NR2F1-AS1: variants seen among roughly 807,000 people sequenced by gnomAD.
NR2F1-AS1 encodes the protein NR2F1 antisense RNA 1.
At chr5:93,511,084 C>T (rs985632342) in intron 4 of NR2F1-AS1, among the ~76,000 whole-genome samples, 3 of 152,054 alleles carry the variant, frequency 2.0e-5, no homozygotes, top group Non-Finnish European at 4.4e-5. Flanking sequence ...TTTTATGTGT[C>T]AATTTGAATG....
At chr5:93,535,592 C>T (rs1007443651) in intron 4 of NR2F1-AS1, among the ~76,000 whole-genome samples, 11 of 151,738 alleles carry the variant, frequency 7.2e-5, no homozygotes, top group African/African-American at 9.7e-5. Flanking sequence ...TAAGCATAGA[C>T]GCAAAAATTC....
intron 4 of NR2F1-AS1, among the ~76,000 whole-genome samples, chr5:93,534,294 A>G (rs1751795136): frequency 6.6e-6 from 1 of 152,196 alleles, no homozygotes; most frequent in African/African-American, 2.4e-5. Context: ...TGACTTATCC[A>G]AGGTTACTTG....
chr5:93,483,409 C>A (rs1055470705), intron 4 of NR2F1-AS1, among the ~76,000 whole-genome samples: 1 of 152,126 alleles, frequency 6.6e-6, no homozygotes, highest in South Asian at 2.1e-4. Context: ...TCAACATCAA[C>A]AAAAAGGATG....
chr5:93,475,474 T>G (rs1750464379), intron 4 of NR2F1-AS1, among the ~76,000 whole-genome samples: 1 of 152,242 alleles, frequency 6.6e-6, no homozygotes, highest in Non-Finnish European at 1.5e-5. Context: ...ATTCTTCATT[T>G]GATTTCAGTG....
intron 4 of NR2F1-AS1, among the ~76,000 whole-genome samples, chr5:93,537,667 A>C (rs998193472): frequency 4.6e-5 from 7 of 152,180 alleles, no homozygotes; most frequent in Admixed American, 2.0e-4. Flanking sequence ...TAGTATTGGC[A>C]AGGATGTGGA....
chr5:93,585,155 G>A, upstream of NR2F1-AS1: 1 of 1,170,942 alleles, frequency 8.5e-7, no homozygotes, highest in South Asian at 4.2e-5. Flanking sequence ...AGCAGCAGGC[G>A]GGCTCGGGCG....
chr5:93,444,320 G>A (rs936136652), intron 4 of NR2F1-AS1, among the ~76,000 whole-genome samples: 2 of 152,112 alleles, frequency 1.3e-5, no homozygotes, highest in Non-Finnish European at 2.9e-5. Context: ...CAGGTGCAGA[G>A]ACACACACAG....
intron 4 of NR2F1-AS1, among the ~76,000 whole-genome samples, chr5:93,549,336 G>T (rs1752170455): frequency 6.6e-6 from 1 of 152,002 alleles, no homozygotes; most frequent in Non-Finnish European, 1.5e-5. Context: ...CAATGAAATA[G>T]CAAGAAAACA....
chr5:93,424,493 C>G (rs990503950), intron 4 of NR2F1-AS1, among the ~76,000 whole-genome samples: 5 of 152,020 alleles, frequency 3.3e-5, no homozygotes, highest in African/African-American at 1.2e-4. Context: ...AAATCTGTCA[C>G]CAGGTCCTTT....
chr5:93,560,852 C>T (rs1398312922), intron 2 of NR2F1-AS1, among the ~76,000 whole-genome samples: 1 of 152,128 alleles, frequency 6.6e-6, no homozygotes, highest in Non-Finnish European at 1.5e-5. Flanking sequence ...AATTTCAATA[C>T]CTGTGAACTG....
At chr5:93,576,343 A>G (rs2149932764) in intron 1 of NR2F1-AS1, among the ~76,000 whole-genome samples, 1 of 152,238 alleles carries the variant, frequency 6.6e-6, no homozygotes, top group South Asian at 2.1e-4. Context: ...CACCTTTGAA[A>G]TGGGTAAATA....
At chr5:93,495,064 CAAGA>C (rs756164641) in intron 4 of NR2F1-AS1, among the ~76,000 whole-genome samples, 5 of 152,020 alleles carry the variant, frequency 3.3e-5, no homozygotes, top group Non-Finnish European at 5.9e-5. Flanking sequence ...AAAAAAAATC[CAAGA>C]TAGAATCAGC....
intron 4 of NR2F1-AS1, among the ~76,000 whole-genome samples, chr5:93,521,532 C>T (rs1580298952): frequency 6.6e-6 from 1 of 151,924 alleles, no homozygotes; most frequent in Non-Finnish European, 1.5e-5. Context: ...AACAAACAAC[C>T]CCATTAAAAA....
intron 4 of NR2F1-AS1, among the ~76,000 whole-genome samples, chr5:93,490,985 C>T (rs1389943849): frequency 6.9e-4 from 48 of 70,070 alleles, no homozygotes; most frequent in South Asian, 2.6e-3. Context: ...ATGGTGTTGA[C>T]GGTGGTTATA....
intron 4 of NR2F1-AS1, among the ~76,000 whole-genome samples, chr5:93,421,560 C>G (rs932866297): frequency 5.9e-5 from 9 of 152,152 alleles, no homozygotes; most frequent in Non-Finnish European, 1.0e-4. Flanking sequence ...AGCCCCTACT[C>G]GGGCTTTTCA....
intron 4 of NR2F1-AS1, among the ~76,000 whole-genome samples, chr5:93,471,411 A>G: frequency 6.6e-6 from 1 of 151,920 alleles, no homozygotes; most frequent in East Asian, 1.9e-4. Context: ...AACATTATTT[A>G]CTGGACAAGG....
chr5:93,428,970 C>T (rs1468984856), intron 4 of NR2F1-AS1, among the ~76,000 whole-genome samples: 1 of 152,118 alleles, frequency 6.6e-6, no homozygotes, highest in African/African-American at 2.4e-5. Flanking sequence ...GTTACTTGAA[C>T]AAATAATATT....
intron 4 of NR2F1-AS1, among the ~76,000 whole-genome samples, chr5:93,460,255 G>A (rs1750059867): frequency 1.3e-5 from 2 of 152,164 alleles, no homozygotes; most frequent in African/African-American, 4.8e-5. Context: ...AAGGCAGAAA[G>A]ATACCACAGA....
chr5:93,437,491 T>TA (rs1419470776), intron 4 of NR2F1-AS1, among the ~76,000 whole-genome samples: 7 of 152,308 alleles, frequency 4.6e-5, no homozygotes, highest in Admixed American at 1.3e-4. Context: ...ATCTTATTTC[T>TA]ATTGAAGAGG....
Sources: allele counts gnomAD v4.1 joint callset (sites outside exome capture counted in the v4.1 genomes callset), GRCh38; gene constraint gnomAD v4.1.1; transcripts MANE v1.5; gene names NCBI Gene and HGNC (gene_info 2026-07-23, HGNC 2026-07-21).